Variants in PLXDC2 observed in about 807,000 individuals in gnomAD.
PLXDC2 encodes the protein plexin domain containing 2, also known as plexin domain-containing protein 2.
Under a neutral mutation model 68.9 loss-of-function variants are expected in PLXDC2, and 40 were observed. The ratio of observed to expected loss-of-function variants is 0.58; its 90% CI spans 0.45 to 0.76. PLXDC2 has a LOEUF of 0.76. PLXDC2 is among the 30% of genes least tolerant of loss of function. PLXDC2 has a pLI of 0.00. For missense variants in PLXDC2, 644 were observed against 661.9 expected, an observed-to-expected ratio of 0.97 and a Z score of 0.30; for synonymous variants, 243 against 234.2, an observed-to-expected ratio of 1.04 and a Z score of -0.34.
chr10:20,209,402 G>A (rs1489421298), intron 9 of PLXDC2, among the ~76,000 whole-genome samples: 1 of 151,954 alleles, frequency 6.6e-6, no homozygotes, highest in Admixed American at 6.6e-5. Context: ...GGGGGAAGAG[G>A]GGAGGGATAG....
chr10:20,078,747 A>T (rs1457051683), intron 4 of PLXDC2, among the ~76,000 whole-genome samples: 1 of 152,176 alleles, frequency 6.6e-6, no homozygotes, highest in Non-Finnish European at 1.5e-5. Flanking sequence ...AGTGAGTAGA[A>T]ATCTGGTTTC....
At chr10:20,137,204 AG>A (rs1265640133) in intron 4 of PLXDC2, among the ~76,000 whole-genome samples, 19 of 152,354 alleles carry the variant, frequency 1.2e-4, no homozygotes, top group African/African-American at 4.6e-4. Flanking sequence ...AAAGGCGTCA[AG>A]GGATAAAAAT....
At chr10:19,940,891 T>C (rs768246158) in intron 1 of PLXDC2, among the ~76,000 whole-genome samples, 2 of 152,220 alleles carry the variant, frequency 1.3e-5, no homozygotes, top group East Asian at 1.9e-4. Flanking sequence ...TAAATAATTA[T>C]CTTGTTTGGT....
chr10:20,057,247 A>AT (rs201205943), intron 3 of PLXDC2, among the ~76,000 whole-genome samples: 1 of 151,998 alleles, frequency 6.6e-6, no homozygotes, highest in Non-Finnish European at 1.5e-5. Context: ...ATGGAATATA[A>AT]TTTTTTTTAG....
chr10:19,968,172 T>C (rs1438258653), intron 1 of PLXDC2, among the ~76,000 whole-genome samples: 1 of 152,212 alleles, frequency 6.6e-6, no homozygotes, highest in African/African-American at 2.4e-5. Context: ...GCCAGCTGTT[T>C]AATTAAAGTG....
At position 19,874,672 on chromosome 10, in the gene PLXDC2, T is replaced by TG. The variant is rs143325307; in HGVS notation, c.112+57485dup. Among the ~76,000 whole-genome samples, 777 of 152,340 alleles carry TG rather than the reference T, an allele frequency of 5.1e-3. 3 individuals carry two copies. The highest frequency in any genetic ancestry group is 0.017 in the African/African-American group (726 of 41,582). On this transcript the variant is annotated intron_variant, in intron 1 of 13. Transcript: ENST00000377252. Reference sequence around the variant, plus strand: ...ACAAGCGAATTTTCTTTCTAGGAGCTGGGGTATTATTAGACAAGGCTTCTT... The same window carrying TG: ...ACAAGCGAATTTTCTTTCTAGGAGCTGGGGGTATTATTAGACAAGGCTTCTT...
chr10:19,817,077 GGCA>G lies in PLXDC2; in HGVS notation c.-2_1del, dbSNP rs2131989456. 6.7e-7 allele frequency: 1 copy of G among 1,488,294 alleles called. No individual in the cohort carries two copies. The highest frequency in any genetic ancestry group is 9.1e-7 in the Non-Finnish European group (1 of 1,098,220). The allele number at this position is 1,488,294 out of a possible 1,614,324, so 92.2% of individuals were successfully genotyped here. ...GGTGGGGTAGGGAGGTGGCGGCGGC[GGCA>G]TGGCGAGGTTCCCGAAGGCCGACCT... On this transcript the variant is annotated start_lost and 5_prime_UTR_variant, in exon 1 of 14. Transcript: ENST00000377252.
At chr10:20,172,163 A>G (rs1032573146) in intron 7 of PLXDC2, among the ~76,000 whole-genome samples, 1 of 148,462 alleles carries the variant, frequency 6.7e-6, no homozygotes, top group African/African-American at 2.5e-5. Context: ...TCATTTTGGG[A>G]TATTGTTTTC....
intron 1 of PLXDC2, among the ~76,000 whole-genome samples, chr10:19,945,720 A>G (rs2131401846): frequency 6.6e-6 from 1 of 152,308 alleles, no homozygotes; most frequent in East Asian, 1.9e-4. Context: ...TCATATGCTT[A>G]GAGTCAGTTC....
chr10:20,207,768 C>G (rs1261111431), intron 9 of PLXDC2, among the ~76,000 whole-genome samples: 2 of 152,102 alleles, frequency 1.3e-5, no homozygotes, highest in African/African-American at 4.8e-5. Context: ...TTTAGGATGC[C>G]AAATCCCACA....
chr10:20,039,585 C>G (rs559808913), intron 2 of PLXDC2, among the ~76,000 whole-genome samples: 51 of 152,134 alleles, frequency 3.4e-4, no homozygotes, highest in Non-Finnish European at 7.2e-4. Flanking sequence ...TTCTATAGAA[C>G]TATTTACTGT....
At chr10:20,217,257 T>C (rs541659003) in intron 10 of PLXDC2, among the ~76,000 whole-genome samples, 169 bp from the exon 11 acceptor site, 2 of 152,326 alleles carry the variant, frequency 1.3e-5, no homozygotes, top group East Asian at 3.9e-4. Flanking sequence ...TCCTATTTTA[T>C]AAACTTCATA....
intron 1 of PLXDC2, among the ~76,000 whole-genome samples, chr10:19,977,758 C>A (rs1336146118): frequency 6.6e-6 from 1 of 152,042 alleles, no homozygotes; most frequent in East Asian, 1.9e-4. Context: ...GTGGGGAAAT[C>A]TCATGTGTCT....
At chr10:19,907,031 A>G (rs1564625344) in intron 1 of PLXDC2, among the ~76,000 whole-genome samples, 1 of 152,164 alleles carries the variant, frequency 6.6e-6, no homozygotes, top group Non-Finnish European at 1.5e-5. Flanking sequence ...CAACTGATCA[A>G]TAATTAAAGT....
At chr10:19,937,601 A>T (rs1833748138) in intron 1 of PLXDC2, among the ~76,000 whole-genome samples, 1 of 140,578 alleles carries the variant, frequency 7.1e-6, no homozygotes, top group Admixed American at 7.3e-5. Context: ...TTCTATGAGG[A>T]CAGAGGCTGT....
chr10:20,266,371 A>G (rs563783924), intron 13 of PLXDC2, among the ~76,000 whole-genome samples: 9 of 152,158 alleles, frequency 5.9e-5, no homozygotes, highest in African/African-American at 2.2e-4. Context: ...GGGAAAAAAA[A>G]AAAAACGTAA....
At chr10:19,931,319 T>G (rs1833629109) in intron 1 of PLXDC2, among the ~76,000 whole-genome samples, 1 of 152,238 alleles carries the variant, frequency 6.6e-6, no homozygotes, top group Non-Finnish European at 1.5e-5. Flanking sequence ...GAATGCTGTG[T>G]GGAGGCGCTG....
chr10:20,148,564 CTGTG>C (rs1203243227), intron 6 of PLXDC2, among the ~76,000 whole-genome samples: 1 of 152,094 alleles, frequency 6.6e-6, no homozygotes, highest in Non-Finnish European at 1.5e-5. Flanking sequence ...ACTAGAATAA[CTGTG>C]TGTTTGATTT....
intron 1 of PLXDC2, among the ~76,000 whole-genome samples, chr10:19,872,430 A>G (rs1350465394): frequency 6.6e-6 from 1 of 152,238 alleles, no homozygotes; most frequent in Admixed American, 6.5e-5. Context: ...CAGTGGCCTC[A>G]TAAGGAGAAT....
Sources: allele counts gnomAD v4.1 joint callset (sites outside exome capture counted in the v4.1 genomes callset), GRCh38; gene constraint gnomAD v4.1.1; transcripts MANE v1.5; gene names NCBI Gene and HGNC (gene_info 2026-07-23, HGNC 2026-07-21).